The following DNAH9 variants were observed in gnomAD, a reference collection of about 807,000 sequenced individuals.
DNAH9 encodes dynein axonemal heavy chain 9, also known as DNAH9 variant protein.
A neutral mutation model predicts 471.6 loss-of-function variants in DNAH9; 345 were observed. That is an observed-to-expected ratio of 0.73 (90% confidence interval 0.67 to 0.80). The LOEUF (loss-of-function observed/expected upper bound fraction) is 0.80. Ranked by LOEUF, DNAH9 falls within the 30% of genes least tolerant of loss-of-function variation. The pLI, the probability that DNAH9 is intolerant of heterozygous loss-of-function variation, is 0.00. For synonymous variants in DNAH9, 2,093 were observed against 2,123.6 expected, an observed-to-expected ratio of 0.99 and a Z score of 0.40; for missense variants, 5,407 against 5,609.2, an observed-to-expected ratio of 0.96 and a Z score of 1.15.
At chr17:11,711,888 ATATAT>A (rs1567739851) in intron 26 of DNAH9, among the ~76,000 whole-genome samples, 389 of 12,492 alleles carry the variant, frequency 0.031, 73 homozygotes, top group Non-Finnish European at 0.088. Flanking sequence ...ATATATATTT[ATATAT>A]AAATATATAT....
chr17:11,652,958 A>G lies in DNAH9; in HGVS notation c.2551A>G (p.Asn851Asp). ...GCATGATCGAATGGAAAAATATTAC[A>G]ATCTCATCAAGGAATCTGGCCTTAA... ...DRHDRMEKYY[N>D]LIKESGLKIH... Residue 851 changes from asparagine (N) to aspartate (D), a missense_variant, in exon 14 of 69, where the codon AAT becomes GAT. Coordinates refer to ENST00000262442, the MANE Select transcript of DNAH9 (RefSeq NM_001372.4). 6.2e-7 allele frequency: 1 copy of G among 1,614,036 alleles called. No individual in the cohort carries two copies. The highest frequency in any genetic ancestry group is 2.2e-5 in the East Asian group (1 of 44,874).
At chr17:11,685,098 T>C (rs148772430) in intron 19 of DNAH9, among the ~76,000 whole-genome samples, 2 of 152,258 alleles carry the variant, frequency 1.3e-5, no homozygotes, top group African/African-American at 2.4e-5. Flanking sequence ...CAAGGACTTA[T>C]AGCCTCAGGG....
intron 17 of DNAH9, among the ~76,000 whole-genome samples, chr17:11,671,549 G>T (rs1259693253): frequency 6.6e-6 from 1 of 152,156 alleles, no homozygotes; most frequent in African/African-American, 2.4e-5. Context: ...AATTGTCTGG[G>T]ACCTGGCCTT....
intron 38 of DNAH9, among the ~76,000 whole-genome samples, chr17:11,778,141 A>T (rs958875756): frequency 2.0e-5 from 3 of 151,810 alleles, no homozygotes; most frequent in Admixed American, 1.3e-4. Context: ...CATTTGGAAG[A>T]AGAGGATTCG....
In DNAH9 at chr17:11,905,311, G is replaced by A. The variant is rs111987675; in HGVS notation, c.11601-350G>A. On this transcript the variant is annotated intron_variant, in intron 60 of 68. Coordinates refer to ENST00000262442, the MANE Select transcript of DNAH9 (RefSeq NM_001372.4). ...AAGGCTGGTAGATAGCAGGGAGAGA[G>A]CATATGGAGGATTTAACTTACCAGC... Among the ~76,000 whole-genome samples, 1,025 of 152,202 alleles carry A rather than the reference G, an allele frequency of 6.7e-3. 17 individuals carry two copies. Among genetic ancestry groups the A allele is most frequent in the African/African-American group, 0.024 (982 of 41,522 alleles).
intron 61 of DNAH9, among the ~76,000 whole-genome samples, chr17:11,912,253 G>A (rs930197137): frequency 2.6e-5 from 4 of 152,114 alleles, no homozygotes; most frequent in East Asian, 1.9e-4. Context: ...TCTTGACTTC[G>A]TGATCTGCCT....
At chr17:11,961,056 T>C (rs1223792341) in intron 67 of DNAH9, among the ~76,000 whole-genome samples, 1 of 152,180 alleles carries the variant, frequency 6.6e-6, no homozygotes, top group Non-Finnish European at 1.5e-5. Context: ...GGCTCATGCC[T>C]GTAATCCCAG....
chr17:11,876,930 G>A (rs758346641), intron 53 of DNAH9, among the ~76,000 whole-genome samples: 8 of 151,742 alleles, frequency 5.3e-5, no homozygotes, highest in Non-Finnish European at 1.0e-4. Context: ...GTTTCACTAT[G>A]TTGGCCAGGC....
At chr17:11,762,923 G>T (rs1015824031) in intron 35 of DNAH9, among the ~76,000 whole-genome samples, 11 of 151,704 alleles carry the variant, frequency 7.3e-5, no homozygotes, top group African/African-American at 2.2e-4. Context: ...GGGAGTACAG[G>T]TGCCCGCCAC....
intron 59 of DNAH9, among the ~76,000 whole-genome samples, chr17:11,897,293 A>G (rs1973252718): frequency 6.6e-6 from 1 of 152,248 alleles, no homozygotes; most frequent in East Asian, 1.9e-4. Flanking sequence ...ATTTGTATTG[A>G]GATTCCATAA....
intron 27 of DNAH9, among the ~76,000 whole-genome samples, chr17:11,720,391 C>T (rs1247953659): frequency 1.3e-5 from 2 of 152,030 alleles, no homozygotes; most frequent in Non-Finnish European, 2.9e-5. Context: ...AATGCTATCC[C>T]TCCCCGCTTC....
At chr17:11,652,703 C>T (rs1373855044) in intron 13 of DNAH9, 58 bp from the exon 14 acceptor site, 21 of 1,544,100 alleles carry the variant, frequency 1.4e-5, no homozygotes, top group Non-Finnish European at 1.6e-5. Flanking sequence ...TAGCAACTAG[C>T]CCTTTAGCTA....
chr17:11,605,674 A>ATTTTTTTTTTTTTTTT (rs59748847), intron 1 of DNAH9, among the ~76,000 whole-genome samples: 5 of 145,008 alleles, frequency 3.4e-5, no homozygotes, highest in African/African-American at 1.3e-4. Context: ...CAATTTTTCT[A>ATTTTTTTTTTTTTTTT]TTTTTTTTTT....
At position 11,755,056 on chromosome 17, in the gene DNAH9, T is replaced by A. The variant is rs554516452; in HGVS notation, c.6739-1512T>A. On this transcript the variant is annotated intron_variant, in intron 33 of 68. Coordinates refer to ENST00000262442, the MANE Select transcript of DNAH9 (RefSeq NM_001372.4). The stretch of plus-strand genomic sequence containing the variant: ...AGTCTTCCACATATGGCTAGCCAGT[T>A]ATCCCAGCACCATGTGTTAAATAGG... Among the ~76,000 whole-genome samples, 4 of 152,316 alleles carry A rather than the reference T, an allele frequency of 2.6e-5. No homozygotes were observed. The South Asian group carries it at 8.3e-4, about 32-fold the overall frequency.
chr17:11,704,515 A>G (rs1483654858), intron 25 of DNAH9, 73 bp downstream of exon 25: 5 of 1,530,020 alleles, frequency 3.3e-6, no homozygotes, highest in South Asian at 1.2e-5. Flanking sequence ...CAGCCAAAAT[A>G]TGGGGGCCCC....
At chr17:11,752,744 G>A in intron 32 of DNAH9, 89 bp from the exon 33 acceptor site, 2 of 1,085,512 alleles carry the variant, frequency 1.8e-6, no homozygotes, top group Non-Finnish European at 2.6e-6. Flanking sequence ...GCCCCCTTCT[G>A]TGTGTTGTAG....
intron 53 of DNAH9, among the ~76,000 whole-genome samples, chr17:11,875,495 T>C (rs1335394402): frequency 2.0e-5 from 3 of 152,178 alleles, no homozygotes. Context: ...TCATATCCCA[T>C]TGTCACATAG....
chr17:11,767,682 G>C (rs770886476), intron 36 of DNAH9, among the ~76,000 whole-genome samples: 2 of 145,600 alleles, frequency 1.4e-5, no homozygotes, highest in Non-Finnish European at 2.9e-5. Flanking sequence ...AGTAGTAATG[G>C]GTATGTTTTG....
At chr17:11,852,891 A>ATG (rs1173308331) in intron 49 of DNAH9, among the ~76,000 whole-genome samples, 3 of 136,806 alleles carry the variant, frequency 2.2e-5, no homozygotes, top group African/African-American at 7.9e-5. Context: ...AGAAAGTAGG[A>ATG]TGTGTATATA....
Sources: gnomAD v4.1 joint callset for allele counts (sites outside exome capture counted in the v4.1 genomes callset) on GRCh38, gnomAD v4.1.1 for gene constraint, MANE v1.5 for transcripts, NCBI Gene and HGNC (gene_info 2026-07-23, HGNC 2026-07-21) for gene names.